The following TMEM74 variants were observed in gnomAD, a reference collection of about 807,000 sequenced individuals.
TMEM74 encodes transmembrane protein 74.
A neutral mutation model predicts 18.1 loss-of-function variants in TMEM74; 13 were observed. That is an observed-to-expected ratio of 0.72 (90% CI 0.47 to 1.14). The LOEUF is 1.14. Ranked by LOEUF, TMEM74 falls within the 50% of genes most tolerant of loss-of-function variation. The pLI is 0.00. For synonymous variants in TMEM74, 159 were observed against 146.6 expected, an observed-to-expected ratio of 1.08 and a Z score of -0.61; for missense variants, 372 against 375.9, an observed-to-expected ratio of 0.99 and a Z score of 0.09.
chr8:108,727,762 T>C (rs1228218043), intron 1 of TMEM74, among the ~76,000 whole-genome samples: 1 of 152,016 alleles, frequency 6.6e-6, no homozygotes, highest in Non-Finnish European at 1.5e-5. Flanking sequence ...ATTGTGTCCA[T>C]AGAAATAGAA....
chr8:108,768,650 T>A (rs1586291414), intron 1 of TMEM74, among the ~76,000 whole-genome samples: 1 of 152,292 alleles, frequency 6.6e-6, no homozygotes, highest in East Asian at 1.9e-4. Context: ...AATTCCCACC[T>A]TCCTCTGGTA....
chr8:108,743,211 C>T (rs1298915263), intron 1 of TMEM74, among the ~76,000 whole-genome samples: 1 of 152,120 alleles, frequency 6.6e-6, no homozygotes, highest in African/African-American at 2.4e-5. Flanking sequence ...ATGTTGTTTA[C>T]TGTACGTAAA....
chr8:108,749,653 A>G (rs182920892), intron 1 of TMEM74, among the ~76,000 whole-genome samples: 27 of 152,034 alleles, frequency 1.8e-4, no homozygotes, highest in African/African-American at 6.5e-4. Flanking sequence ...TCTTTCTCTT[A>G]CCTTATTCCC....
At chr8:108,731,423 C>T (rs1028808894) in intron 1 of TMEM74, among the ~76,000 whole-genome samples, 4 of 152,188 alleles carry the variant, frequency 2.6e-5, no homozygotes, top group Non-Finnish European at 1.5e-5. Context: ...ACTCATCACA[C>T]TCAGGAGCAT....
intron 1 of TMEM74, among the ~76,000 whole-genome samples, chr8:108,657,056 A>G (rs946464216): frequency 1.3e-5 from 2 of 152,132 alleles, no homozygotes; most frequent in Admixed American, 1.3e-4. Flanking sequence ...GCATTTTATA[A>G]TATTCACTTT....
chr8:108,702,438 G>T (rs1001976536), intron 1 of TMEM74, among the ~76,000 whole-genome samples: 1 of 151,094 alleles, frequency 6.6e-6, no homozygotes, highest in Non-Finnish European at 1.5e-5. Flanking sequence ...AAAAAAAAAT[G>T]CAGCAGCAAA....
chr8:108,613,527 T>C (rs896333720), intron 2 of TMEM74, among the ~76,000 whole-genome samples: 3 of 152,262 alleles, frequency 2.0e-5, no homozygotes, highest in African/African-American at 7.2e-5. Flanking sequence ...GTGAATCAGA[T>C]TGCTGTCAAA....
intron 1 of TMEM74, among the ~76,000 whole-genome samples, chr8:108,679,369 G>A (rs1159986193): frequency 1.3e-5 from 2 of 152,176 alleles, no homozygotes; most frequent in Non-Finnish European, 2.9e-5. Flanking sequence ...CACCAACAGT[G>A]TAAAAGTGTT....
intron 1 of TMEM74, among the ~76,000 whole-genome samples, chr8:108,730,113 A>G (rs1813678831): frequency 6.6e-6 from 1 of 152,226 alleles, no homozygotes; most frequent in African/African-American, 2.4e-5. Context: ...AAAAAGGAAA[A>G]CATTTCAGGG....
At chr8:108,683,625 G>A (rs1170541524) in intron 1 of TMEM74, among the ~76,000 whole-genome samples, 1 of 151,698 alleles carries the variant, frequency 6.6e-6, no homozygotes, top group South Asian at 2.1e-4. Flanking sequence ...CATATTCATG[G>A]GGTACATAGT....
chr8:108,695,094 C>T (rs1291897349), intron 1 of TMEM74, among the ~76,000 whole-genome samples: 1 of 152,170 alleles, frequency 6.6e-6, no homozygotes, highest in African/African-American at 2.4e-5. Flanking sequence ...GGCTGCTCCA[C>T]TCTCCAGCCA....
intron 1 of TMEM74, among the ~76,000 whole-genome samples, chr8:108,712,047 A>C (rs1341204941): frequency 6.6e-6 from 1 of 152,100 alleles, no homozygotes; most frequent in Non-Finnish European, 1.5e-5. Context: ...CTTTTTGGAC[A>C]TCAAAATTGC....
chr8:108,770,753 G>C (rs1292348728), intron 1 of TMEM74, among the ~76,000 whole-genome samples: 1 of 152,164 alleles, frequency 6.6e-6, no homozygotes, highest in East Asian at 1.9e-4. Flanking sequence ...ACAGGAAGCA[G>C]TCTCATTTTT....
chr8:108,623,212 T>C (rs565205703), intron 2 of TMEM74, among the ~76,000 whole-genome samples: 3 of 152,284 alleles, frequency 2.0e-5, no homozygotes, highest in African/African-American at 7.2e-5. Flanking sequence ...TATGTGCTCA[T>C]TTATAGATAG....
intron 2 of TMEM74, among the ~76,000 whole-genome samples, chr8:108,638,288 T>C (rs1172625249): frequency 2.0e-5 from 3 of 150,686 alleles, no homozygotes; most frequent in Non-Finnish European, 4.4e-5. Context: ...TACATACTTT[T>C]CCACCTCTAG....
chr8:108,628,656 G>A (rs1812520119), intron 2 of TMEM74, among the ~76,000 whole-genome samples: 1 of 152,058 alleles, frequency 6.6e-6, no homozygotes, highest in East Asian at 1.9e-4. Flanking sequence ...CCAGAAATGA[G>A]ATGGCTGGGT....
At position 108,779,443 on chromosome 8, in the gene TMEM74, C is replaced by A. The variant is rs928096447; in HGVS notation, c.*4738G>T. On this transcript the variant is annotated 3_prime_UTR_variant, in exon 2 of 2. Transcript: ENST00000297459. Reference sequence around the variant, plus strand: ...ATTTGAAACAAAGGAATATACTCCCCATAGTCCCCTGAAATAAAATAACAA... The same window carrying A: ...ATTTGAAACAAAGGAATATACTCCCAATAGTCCCCTGAAATAAAATAACAA... Among the ~76,000 whole-genome samples, 3 of 152,104 alleles carry A rather than the reference C, an allele frequency of 2.0e-5. No individual in the cohort carries two copies. The highest frequency in any genetic ancestry group is 4.4e-5 in the Non-Finnish European group (3 of 68,012).
intron 1 of TMEM74, among the ~76,000 whole-genome samples, chr8:108,759,922 TAGA>T (rs1814021695): frequency 1.3e-5 from 2 of 152,058 alleles, no homozygotes; most frequent in Non-Finnish European, 2.9e-5. Flanking sequence ...AAGCATGGCT[TAGA>T]AGGCTTCCAC....
intron 1 of TMEM74, 106 bp downstream of exon 1, chr8:108,787,370 G>A: frequency 6.6e-6 from 1 of 152,346 alleles, no homozygotes; most frequent in Non-Finnish European, 1.5e-5. Context: ...CTAGTACTCG[G>A]AGACGAAGGA....
Sources: gnomAD v4.1 joint callset for allele counts (sites outside exome capture counted in the v4.1 genomes callset) on GRCh38, gnomAD v4.1.1 for gene constraint, MANE v1.5 for transcripts, NCBI Gene and HGNC (gene_info 2026-07-23, HGNC 2026-07-21) for gene names.